Variants in COA1 observed in about 807,000 individuals in gnomAD.
COA1 encodes cytochrome c oxidase assembly factor 1 homolog.
Under a neutral mutation model 16.0 loss-of-function variants are expected in COA1, and 13 were observed. That is an observed-to-expected ratio of 0.81 (90% CI 0.53 to 1.29). The LOEUF (loss-of-function observed/expected upper bound fraction) is 1.29, where lower values mean the gene tolerates loss of function less well. COA1 is among the 50% of genes most tolerant of loss of function. The pLI is 0.00. For missense variants in COA1, 179 were observed against 177.0 expected, an observed-to-expected ratio of 1.01 and a Z score of -0.06; for synonymous variants, 65 against 65.7, an observed-to-expected ratio of 0.99 and a Z score of 0.05.
intron 6 of COA1, chr7:43,624,863 T>G (rs1195748464): frequency 1.9e-6 from 3 of 1,556,172 alleles, no homozygotes; most frequent in South Asian, 2.5e-5. Context: ...CCTTTAGAAC[T>G]TCAAGATTTC....
rs1216925513 is a variant in COA1, at chr7:43,644,801, G to GAGAC, written c.264+449_264+450insGTCT. The stretch of plus-strand genomic sequence containing the variant: ...AGGCAGGCAGGCAGGCAGAGAGACA[G>GAGAC]AGAGAGAGAGAGAGAGAGAGAGAGA... On this transcript the variant is annotated intron_variant, in intron 4 of 5. Coordinates refer to ENST00000223336, the MANE Select transcript of COA1 (RefSeq NM_018224.4). 2.9e-3 allele frequency among the ~76,000 whole-genome samples: 375 copies of GAGAC among 131,166 alleles called. 11 individuals are homozygous for GAGAC. Among genetic ancestry groups the GAGAC allele is most frequent in the African/African-American group, 0.011 (349 of 31,882 alleles). 86.0% of individuals were successfully genotyped at this position (131,166 alleles called of 152,430 possible).
chr7:43,645,421 A>G (rs371975209), intron 3 of COA1, 22 bp from the exon 4 acceptor site: 21 of 1,611,526 alleles, frequency 1.3e-5, no homozygotes, highest in Admixed American at 1.0e-4. Flanking sequence ...AGACACACTT[A>G]TTTTCTTTAT....
intron 1 of COA1, among the ~76,000 whole-genome samples, chr7:43,707,850 C>T (rs1263865310): frequency 6.6e-6 from 1 of 152,186 alleles, no homozygotes; most frequent in Non-Finnish European, 1.5e-5. Context: ...TACTTCAACG[C>T]ACACATGCCC....
rs10235832 is a variant in COA1 at position 43,686,509 on chromosome 7, T to C, written c.-38-37857A>G. ...TTTTAGTAGAGACGGGGTTTCACCGTGGTCTCGATCTCCTGACCTCGTGAT... is the reference window on the plus strand; with the variant it reads ...TTTTAGTAGAGACGGGGTTTCACCGCGGTCTCGATCTCCTGACCTCGTGAT... On this transcript the variant is annotated intron_variant, in intron 1 of 5. Coordinates refer to ENST00000223336, the MANE Select transcript of COA1 (RefSeq NM_018224.4). 7.1e-3 allele frequency among the ~76,000 whole-genome samples: 1,078 copies of C among 152,082 alleles called. 10 individuals carry two copies. The highest frequency in any genetic ancestry group is 0.025 in the African/African-American group (1,022 of 41,488).
intron 4 of COA1, 97 bp downstream of exon 4, chr7:43,645,154 C>T: frequency 8.6e-7 from 1 of 1,163,608 alleles, no homozygotes; most frequent in Non-Finnish European, 1.2e-6. Flanking sequence ...TGGATTTTCC[C>T]ATCCCAAATC....
intron 2 of COA1, chr7:43,648,159 G>A (rs2089954241): frequency 4.8e-6 from 1 of 210,144 alleles, no homozygotes. Context: ...AGGGATGCCA[G>A]CTCGGTAAAT....
chr7:43,689,410 G>T (rs2094176312), intron 1 of COA1, among the ~76,000 whole-genome samples: 2 of 152,206 alleles, frequency 1.3e-5, no homozygotes, highest in South Asian at 4.2e-4. Flanking sequence ...GAAATGAGGG[G>T]TCTCACAGGG....
chr7:43,657,961 G>A (rs2091960246), intron 1 of COA1, among the ~76,000 whole-genome samples: 1 of 152,080 alleles, frequency 6.6e-6, no homozygotes, highest in African/African-American at 2.4e-5. Flanking sequence ...AGAGGCGGAG[G>A]TTGCAGTGAG....
chr7:43,712,905 T>G (rs2095294334), intron 1 of COA1, among the ~76,000 whole-genome samples: 1 of 152,170 alleles, frequency 6.6e-6, no homozygotes, highest in Non-Finnish European at 1.5e-5. Context: ...TACATATATT[T>G]GAGGGGTACA....
At chr7:43,670,769 A>G (rs902583873) in intron 1 of COA1, among the ~76,000 whole-genome samples, 3 of 152,322 alleles carry the variant, frequency 2.0e-5, no homozygotes, top group East Asian at 1.9e-4. Flanking sequence ...TATTCTTCAC[A>G]TATCTTTTCA....
Position 43,640,593 on chromosome 7 carries a change from G to A in COA1, c.321C>T (p.Ser107=). Residue 107 remains serine, a synonymous_variant, in exon 5 of 6, where the codon TCC becomes TCT. Coordinates refer to ENST00000223336, the MANE Select transcript of COA1 (RefSeq NM_018224.4). ...GATACCTCTGAAAGGGGCCACCTCT[G>A]GATGAGTGGACGTAGAGAAGGCCCT... ...KSEGLLYVHS[S]RGGPFQRWHL... 2 of 1,608,554 alleles carry A rather than the reference G, an allele frequency of 1.2e-6. No homozygotes were observed. Among genetic ancestry groups the A allele is most frequent in the Non-Finnish European group, 1.7e-6 (2 of 1,177,646 alleles).
At chr7:43,704,205 T>C (rs545161577) in intron 1 of COA1, among the ~76,000 whole-genome samples, 16 of 152,308 alleles carry the variant, frequency 1.1e-4, no homozygotes, top group African/African-American at 3.6e-4. Flanking sequence ...GCTACCTTAG[T>C]ATGTGGCCTG....
chr7:43,705,363 G>A (rs2094929374), intron 1 of COA1, among the ~76,000 whole-genome samples: 1 of 152,264 alleles, frequency 6.6e-6, no homozygotes, highest in African/African-American at 2.4e-5. Context: ...AGCAGGGGAA[G>A]GCTACCGGCA....
intron 4 of COA1, 191 bp from the exon 5 acceptor site, chr7:43,640,840 G>C (rs2086862025): frequency 1.9e-5 from 10 of 521,268 alleles, no homozygotes; most frequent in Non-Finnish European, 2.7e-5. Flanking sequence ...TCTTTGGTTG[G>C]CTGGTAAGGT....
chr7:43,661,144 A>C (rs973588424), intron 1 of COA1, among the ~76,000 whole-genome samples: 1 of 152,218 alleles, frequency 6.6e-6, no homozygotes, highest in Non-Finnish European at 1.5e-5. Flanking sequence ...TACTTTCACA[A>C]TAGTTACTTT....
At chr7:43,723,044 G>A (rs1464889660) in intron 1 of COA1, among the ~76,000 whole-genome samples, 2 of 152,196 alleles carry the variant, frequency 1.3e-5, no homozygotes, top group Non-Finnish European at 2.9e-5. Flanking sequence ...AATGATATGG[G>A]TTGTAAAGTA....
intron 4 of COA1, 130 bp downstream of exon 4, chr7:43,645,121 G>A (rs1348776267): frequency 3.3e-6 from 2 of 610,878 alleles, no homozygotes; most frequent in East Asian, 6.6e-5. Flanking sequence ...TTTTTTAAAG[G>A]TGCCAAACCT....
chr7:43,652,346 G>C (rs926097732), intron 1 of COA1, among the ~76,000 whole-genome samples: 2 of 152,008 alleles, frequency 1.3e-5, no homozygotes, highest in African/African-American at 4.8e-5. Context: ...CCTACATCTG[G>C]GTAACTACTA....
At chr7:43,647,383 AG>A in intron 3 of COA1, 151 bp downstream of exon 3, 1 of 655,476 alleles carries the variant, frequency 1.5e-6, no homozygotes, top group South Asian at 1.8e-5. Flanking sequence ...ATACAGAGGA[AG>A]CTATAGCCAA....
Sources: gnomAD v4.1 joint callset for allele counts (sites outside exome capture counted in the v4.1 genomes callset) on GRCh38, gnomAD v4.1.1 for gene constraint, MANE v1.5 for transcripts, NCBI Gene and HGNC (gene_info 2026-07-23, HGNC 2026-07-21) for gene names.